Variants in PAWR observed in about 807,000 individuals in gnomAD.
The protein encoded by PAWR is PRKC apoptosis WT1 regulator protein.
Under a neutral mutation model 32.0 loss-of-function variants are expected in PAWR, and 23 were observed. The observed-to-expected ratio is 0.72, with a 90% CI of 0.52 to 1.02. PAWR has a LOEUF of 1.02. PAWR is among the 50% of genes least tolerant of loss of function. The pLI is 0.00. For missense variants in PAWR, 457 were observed against 437.7 expected (o/e 1.04, Z -0.39); for synonymous variants, 226 against 187.1 (o/e 1.21, Z -1.70).
At chr12:79,673,877 C>T (rs1393989954) in intron 2 of PAWR, among the ~76,000 whole-genome samples, 1 of 151,972 alleles carries the variant, frequency 6.6e-6, no homozygotes, top group Non-Finnish European at 1.5e-5. Flanking sequence ...ATGAGAATTA[C>T]AAAACACTGC....
At chr12:79,601,207 ATTTTT>A (rs534042888) in intron 4 of PAWR, among the ~76,000 whole-genome samples, 2 of 118,490 alleles carry the variant, frequency 1.7e-5, no homozygotes, top group African/African-American at 3.5e-5. Context: ...GGAAACCTGA[ATTTTT>A]TTTTTTTTTT....
chr12:79,621,852 C>G (rs1875034681), intron 2 of PAWR, among the ~76,000 whole-genome samples: 1 of 152,108 alleles, frequency 6.6e-6, no homozygotes, highest in Non-Finnish European at 1.5e-5. Context: ...TTATCTAACT[C>G]TACACTTTCT....
Position 79,690,384 on chromosome 12 carries a change from C to G in PAWR, c.-140G>C. On this transcript the variant is annotated 5_prime_UTR_variant, in exon 2 of 7. Transcript: ENST00000328827. ...GGACGGCCGCCGCTCCCACAGCAGC[C>G]GGCGGGGCTGAGGTGAAAGACAAAA... The G allele has an allele frequency of 1.5e-6, 2 of 1,345,596 alleles. No homozygotes were observed. 83.4% of individuals were successfully genotyped at this position (1,345,596 alleles called of 1,614,324 possible). A position where few individuals can be genotyped will look rare whatever the true frequency, so the allele number is the denominator to read the frequency against.
chr12:79,633,670 T>A (rs1019466245), intron 2 of PAWR, among the ~76,000 whole-genome samples: 2 of 152,284 alleles, frequency 1.3e-5, no homozygotes, highest in South Asian at 4.1e-4. Flanking sequence ...AGGAGATATA[T>A]GAATTTGAAA....
At chr12:79,623,762 T>C (rs550167031) in intron 2 of PAWR, among the ~76,000 whole-genome samples, 2 of 152,226 alleles carry the variant, frequency 1.3e-5, no homozygotes, top group East Asian at 3.9e-4. Flanking sequence ...TGGAAAGTAG[T>C]GGTGCATCAT....
At position 79,643,020 on chromosome 12, in the gene PAWR, T is replaced by A. The variant is rs8176834; in HGVS notation, c.517-21813A>T. Among the ~76,000 whole-genome samples the A allele has an allele frequency of 5.7e-3, 863 of 152,334 alleles. 4 individuals carry two copies. The highest frequency in any genetic ancestry group is 0.017 in the Middle Eastern group (5 of 294). ...CTTAAGACAGTGTCCTTATTTTTGGTTCCTGCTATATTCTTATATACCAAT... is the reference window on the plus strand; with the variant it reads ...CTTAAGACAGTGTCCTTATTTTTGGATCCTGCTATATTCTTATATACCAAT... On this transcript the variant is annotated intron_variant, in intron 2 of 6. Transcript: ENST00000328827.
chr12:79,604,583 T>A, intron 4 of PAWR: 1 of 1,276,950 alleles, frequency 7.8e-7, no homozygotes. Context: ...CAGGATATAT[T>A]CTGAAATTCC....
At chr12:79,631,564 A>G (rs894435156) in intron 2 of PAWR, among the ~76,000 whole-genome samples, 1 of 152,218 alleles carries the variant, frequency 6.6e-6, no homozygotes, top group Admixed American at 6.5e-5. Context: ...TTTAAAATAC[A>G]AACAAAATAC....
chr12:79,613,639 T>C (rs1405936003), intron 3 of PAWR, 30 bp from the exon 4 acceptor site: 8 of 1,356,246 alleles, frequency 5.9e-6, no homozygotes, highest in Middle Eastern at 1.8e-4. Flanking sequence ...ATGTATCAGT[T>C]TGAGTATGTA....
chr12:79,625,026 T>C (rs1362570707), intron 2 of PAWR, among the ~76,000 whole-genome samples: 1 of 152,206 alleles, frequency 6.6e-6, no homozygotes, highest in Non-Finnish European at 1.5e-5. Flanking sequence ...TGTATCATTT[T>C]ACATTTCCTT....
intron 3 of PAWR, among the ~76,000 whole-genome samples, chr12:79,614,044 C>G (rs188650365): frequency 2.6e-3 from 270 of 102,868 alleles, no homozygotes; most frequent in African/African-American, 9.3e-3. Flanking sequence ...GAGTTTCACT[C>G]TTGTTGCCCA....
chr12:79,612,097 C>T (rs1874464753), intron 4 of PAWR, among the ~76,000 whole-genome samples: 1 of 152,090 alleles, frequency 6.6e-6, no homozygotes, highest in Non-Finnish European at 1.5e-5. Context: ...GGTATGGGAA[C>T]AGGCCACATC....
intron 2 of PAWR, among the ~76,000 whole-genome samples, chr12:79,652,994 AT>A (rs1397927545): frequency 6.6e-6 from 1 of 152,060 alleles, no homozygotes; most frequent in Admixed American, 6.6e-5. Flanking sequence ...AAAAAAATAA[AT>A]TAATATTCCA....
At position 79,688,125 on chromosome 12, in the gene PAWR, A is replaced by G. The variant is rs1234085923; in HGVS notation, c.516+1604T>C. On this transcript the variant is annotated intron_variant, in intron 2 of 6. Transcript: ENST00000328827. ...GTGGGAAGTCATCTACATTCTCAGC[A>G]CTATGTTCTCTTACTCAAAGCAGGG... Among the ~76,000 whole-genome samples the G allele has an allele frequency of 3.3e-5, 5 of 152,106 alleles. No individual in the cohort carries two copies. In the East Asian group the frequency reaches 9.7e-4, roughly 29 times the overall value.
In PAWR at chr12:79,609,120, A is replaced by C. The variant is rs923578942; in HGVS notation, c.683+4455T>G. Among the ~76,000 whole-genome samples the C allele has an allele frequency of 2.0e-5, 3 of 152,196 alleles. No individual in the cohort carries two copies. In the East Asian group the frequency reaches 5.8e-4, roughly 29 times the overall value. On this transcript the variant is annotated intron_variant, in intron 4 of 6. Transcript: ENST00000328827. Reference sequence around the variant, plus strand: ...TATACAGAAAATGGGGTTGGAGGACAATGTTCTAAAACTTCATCTGTGACA... The same window carrying C: ...TATACAGAAAATGGGGTTGGAGGACCATGTTCTAAAACTTCATCTGTGACA...
intron 5 of PAWR, among the ~76,000 whole-genome samples, chr12:79,596,028 T>C (rs1347162892): frequency 2.6e-5 from 4 of 152,156 alleles, no homozygotes; most frequent in Admixed American, 1.3e-4. Context: ...TTTAATAATA[T>C]AGAGAATAAT....
intron 2 of PAWR, among the ~76,000 whole-genome samples, chr12:79,642,376 G>A (rs1252762421): frequency 6.6e-6 from 1 of 152,114 alleles, no homozygotes; most frequent in Non-Finnish European, 1.5e-5. Context: ...TAGGTCAGAT[G>A]TATTACTAAA....
In PAWR at chr12:79,689,864, C is replaced by A. The variant is rs1204425019; in HGVS notation, c.381G>T (p.Glu127Asp). The change falls in exon 2 of 7, where the codon GAG becomes GAT. Residue 127 changes from glutamate to aspartate, a missense_variant. Transcript: ENST00000328827. Reference sequence around the variant, plus strand: ...TCTCTGGGACGCCGTCCGGCTCCTCCTCGTCACGCTGGGGCGGCGGTGCAG... The same window carrying A: ...TCTCTGGGACGCCGTCCGGCTCCTCATCGTCACGCTGGGGCGGCGGTGCAG... ...ASAAPPPQRD[E>D]EEPDGVPEKG... is the part of the protein sequence containing the mutation. 1.9e-6 allele frequency: 3 copies of A among 1,573,006 alleles called. No individual in the cohort carries two copies. The highest frequency in any genetic ancestry group is 2.3e-5 in the South Asian group (2 of 85,890).
rs1566011212 is a variant in PAWR, at chr12:79,632,361, A to ATATAT, written c.517-11155_517-11154insATATA. Among the ~76,000 whole-genome samples, 10 of 20,600 alleles carry ATATAT rather than the reference A, an allele frequency of 4.9e-4. 1 individual carries two copies. The highest frequency in any genetic ancestry group is 1.5e-3 in the African/African-American group (5 of 3,354). 13.5% of individuals were successfully genotyped at this position (20,600 alleles called of 152,430 possible). ...TATATATATATATATATATATATAT[A>ATATAT]TTTTTTTTTTTTTTTAGACAGGGTC... On this transcript the variant is annotated intron_variant, in intron 2 of 6. Transcript: ENST00000328827.
Sources: allele counts gnomAD v4.1 joint callset (sites outside exome capture counted in the v4.1 genomes callset), GRCh38; gene constraint gnomAD v4.1.1; transcripts MANE v1.5; gene names NCBI Gene and HGNC (gene_info 2026-07-23, HGNC 2026-07-21).